GABRB2: variants seen among roughly 807,000 people sequenced by gnomAD.
GABRB2 encodes the protein gamma-aminobutyric acid type A receptor subunit beta2.
GABRB2 carries 16 observed loss-of-function variants against 54.7 expected under a neutral mutation model. The ratio of observed to expected loss-of-function variants is 0.29; its 90% CI spans 0.20 to 0.44. GABRB2 has a LOEUF of 0.44. Among genes scored for constraint, GABRB2 ranks in the 20% least tolerant of loss-of-function variants. GABRB2 has a pLI of 1.00. For synonymous variants in GABRB2, 244 were observed against 233.8 expected (o/e 1.04, Z -0.40); for missense variants, 355 against 644.0 (o/e 0.55, Z 4.86).
At chr5:161,484,168 T>C (rs746982702) in intron 3 of GABRB2, among the ~76,000 whole-genome samples, 48 of 151,986 alleles carry the variant, frequency 3.2e-4, no homozygotes, top group Non-Finnish European at 5.7e-4. Context: ...ATTTGTTAAA[T>C]GGATGACTTC....
chr5:161,452,691 A>G (rs1244931602), intron 4 of GABRB2, among the ~76,000 whole-genome samples: 1 of 151,972 alleles, frequency 6.6e-6, no homozygotes, highest in Non-Finnish European at 1.5e-5. Context: ...CTGAACCTAA[A>G]ATTTTTTTTT....
upstream of GABRB2, chr5:161,548,326 C>CTT (rs1259314476): frequency 6.6e-6 from 1 of 152,104 alleles, no homozygotes; most frequent in African/African-American, 2.4e-5. Flanking sequence ...TGCTACGAGT[C>CTT]TGGGGACACA....
At chr5:161,336,159 G>T (rs1277368350) in intron 6 of GABRB2, among the ~76,000 whole-genome samples, 1 of 152,120 alleles carries the variant, frequency 6.6e-6, no homozygotes, top group Non-Finnish European at 1.5e-5. Context: ...TCACACAGGA[G>T]GTGAAACTGT....
rs1374160101 is a variant in GABRB2 at position 161,369,492 on chromosome 5, A to G, written c.542-32723T>C. 2.6e-5 allele frequency among the ~76,000 whole-genome samples: 4 copies of G among 151,998 alleles called. No individual in the cohort carries two copies. In the East Asian group the frequency reaches 7.8e-4, roughly 30 times the overall value. On this transcript the variant is annotated intron_variant, in intron 5 of 9. Transcript: ENST00000393959. ...TAAACTTGTCCTTTAATTTAGAAAGAACGAATGCTTTCTCAGAGAAAGAGA... is the reference window on the plus strand; with the variant it reads ...TAAACTTGTCCTTTAATTTAGAAAGGACGAATGCTTTCTCAGAGAAAGAGA...
chr5:161,524,050 A>T (rs545300666), intron 3 of GABRB2, among the ~76,000 whole-genome samples: 1 of 151,390 alleles, frequency 6.6e-6, no homozygotes, highest in Non-Finnish European at 1.5e-5. Context: ...TGAGTTAGAC[A>T]TGACTTGGTT....
chr5:161,355,277 A>C (rs992427537), intron 5 of GABRB2, among the ~76,000 whole-genome samples: 1 of 148,712 alleles, frequency 6.7e-6, no homozygotes, highest in Non-Finnish European at 1.5e-5. Flanking sequence ...ACTGTGACAT[A>C]TATATAATAT....
chr5:161,538,064 C>T (rs1234561374), intron 3 of GABRB2, among the ~76,000 whole-genome samples: 2 of 152,028 alleles, frequency 1.3e-5, no homozygotes, highest in Non-Finnish European at 2.9e-5. Flanking sequence ...CACTCATGAC[C>T]CCACATTGTG....
At chr5:161,464,724 C>G (rs970142518) in intron 3 of GABRB2, among the ~76,000 whole-genome samples, 1 of 151,996 alleles carries the variant, frequency 6.6e-6, no homozygotes, top group Admixed American at 6.6e-5. Flanking sequence ...AAAAAGGAAC[C>G]AACTTATTGA....
At chr5:161,490,268 A>C (rs1759060293) in intron 3 of GABRB2, among the ~76,000 whole-genome samples, 1 of 151,692 alleles carries the variant, frequency 6.6e-6, no homozygotes, top group South Asian at 2.1e-4. Flanking sequence ...ATTTTGAGAG[A>C]TAGAATAAAC....
intron 4 of GABRB2, among the ~76,000 whole-genome samples, chr5:161,449,350 G>T (rs1480689563): frequency 6.6e-6 from 1 of 152,064 alleles, no homozygotes. Context: ...ATCCAATAAA[G>T]GTTACTACTA....
intron 5 of GABRB2, among the ~76,000 whole-genome samples, chr5:161,347,892 G>T (rs1468845756): frequency 1.3e-5 from 2 of 152,014 alleles, no homozygotes; most frequent in Non-Finnish European, 2.9e-5. Context: ...CACATCTTTA[G>T]TTCCAGGATG....
chr5:161,513,631 G>A (rs1188895476), intron 3 of GABRB2, among the ~76,000 whole-genome samples: 1 of 151,970 alleles, frequency 6.6e-6, no homozygotes, highest in Non-Finnish European at 1.5e-5. Flanking sequence ...GCTAATAGTA[G>A]GGGAGGGAGG....
chr5:161,485,926 A>C (rs1430200571), intron 3 of GABRB2, among the ~76,000 whole-genome samples: 1 of 151,904 alleles, frequency 6.6e-6, no homozygotes, highest in East Asian at 1.9e-4. Flanking sequence ...AATGAAGGCA[A>C]CAAAAAGGAA....
At chr5:161,312,289 T>C (rs757003286) in intron 9 of GABRB2, among the ~76,000 whole-genome samples, 5 of 152,134 alleles carry the variant, frequency 3.3e-5, no homozygotes, top group Non-Finnish European at 5.9e-5. Flanking sequence ...TGACACAGCC[T>C]TGTCAAATAT....
chr5:161,316,563 C>G (rs147998516), intron 9 of GABRB2, among the ~76,000 whole-genome samples: 6 of 151,970 alleles, frequency 3.9e-5, no homozygotes, highest in African/African-American at 1.4e-4. Context: ...TCTTCCTTGT[C>G]TTTTTTCCTT....
At chr5:161,534,594 A>G (rs1760572371) in intron 3 of GABRB2, among the ~76,000 whole-genome samples, 2 of 152,174 alleles carry the variant, frequency 1.3e-5, no homozygotes, top group Non-Finnish European at 2.9e-5. Context: ...TTCACACTAG[A>G]GTCAAGTCAG....
At chr5:161,356,064 G>C (rs1388604794) in intron 5 of GABRB2, among the ~76,000 whole-genome samples, 1 of 152,092 alleles carries the variant, frequency 6.6e-6, no homozygotes, top group Non-Finnish European at 1.5e-5. Flanking sequence ...GAGCAAGGAT[G>C]AGGTGATTTA....
intron 5 of GABRB2, among the ~76,000 whole-genome samples, chr5:161,393,352 C>T (rs1320648269): frequency 2.9e-5 from 3 of 102,776 alleles, no homozygotes; most frequent in African/African-American, 3.8e-5. Flanking sequence ...AAAAGCCACA[C>T]ACCCATTTTT....
intron 5 of GABRB2, among the ~76,000 whole-genome samples, chr5:161,349,954 G>C (rs917271266): frequency 2.6e-5 from 4 of 152,114 alleles, no homozygotes; most frequent in Admixed American, 6.6e-5. Flanking sequence ...AGAAATGTCT[G>C]TTTTAAGCTG....
Sources: allele counts gnomAD v4.1 joint callset (sites outside exome capture counted in the v4.1 genomes callset), GRCh38; gene constraint gnomAD v4.1.1; transcripts MANE v1.5; gene names NCBI Gene and HGNC (gene_info 2026-07-23, HGNC 2026-07-21).